RPS6KA6: variants seen among roughly 807,000 people sequenced by gnomAD.
The protein encoded by RPS6KA6 is ribosomal protein S6 kinase alpha-6.
A neutral mutation model predicts 65.4 loss-of-function variants in RPS6KA6; 27 were observed. That is an observed-to-expected ratio of 0.41 (90% CI 0.30 to 0.57). The LOEUF is 0.57. RPS6KA6 is among the 20% of genes least tolerant of loss of function. The pLI is 0.24. For missense variants in RPS6KA6, 486 were observed against 555.6 expected (o/e 0.87, Z 1.26); for synonymous variants, 190 against 184.2 (o/e 1.03, Z -0.26).
intron 12 of RPS6KA6, among the ~76,000 whole-genome samples, chrX:84,114,154 C>T (rs923318053): frequency 3.6e-5 from 4 of 111,076 alleles, no homozygotes; most frequent in Admixed American, 2.9e-4. Flanking sequence ...AATGGAGAAA[C>T]ATCTCATGCT....
At chrX:84,178,955 C>T (rs1347208987) in intron 1 of RPS6KA6, among the ~76,000 whole-genome samples, 1 of 110,545 alleles carries the variant, frequency 9.0e-6, no homozygotes, top group Non-Finnish European at 1.9e-5. Context: ...GATGAAAAAC[C>T]TCGACTCTTT....
chrX:84,151,167 GAT>G (rs1197482830), intron 3 of RPS6KA6, among the ~76,000 whole-genome samples: 8 of 94,711 alleles, frequency 8.4e-5, no homozygotes, highest in South Asian at 4.8e-4. Context: ...AGGATATATA[GAT>G]ATATATATAG....
intron 20 of RPS6KA6, among the ~76,000 whole-genome samples, chrX:84,076,846 A>G (rs1022750556): frequency 2.7e-5 from 3 of 111,538 alleles, no homozygotes; most frequent in Non-Finnish European, 5.7e-5. Flanking sequence ...AAACGTCCTT[A>G]TAAAAACTAT....
chrX:84,144,329 A>G (rs1181930937), intron 6 of RPS6KA6, among the ~76,000 whole-genome samples: 4 of 108,018 alleles, frequency 3.7e-5, no homozygotes, highest in African/African-American at 1.3e-4. Context: ...TCAAAACTCA[A>G]TAAGAAAACA....
chrX:84,105,535 A>C (rs1004250547), intron 16 of RPS6KA6, among the ~76,000 whole-genome samples: 2 of 110,867 alleles, frequency 1.8e-5, no homozygotes, highest in African/African-American at 6.5e-5. Flanking sequence ...TAACTAGTTA[A>C]CCAGCCAGAA....
rs151091718 is a variant in RPS6KA6, at chrX:84,148,862, C to G, written c.259-739G>C. The stretch of plus-strand genomic sequence containing the variant: ...AAGGTTAGGGTGGCTGTGGCAATTT[C>G]CTAAAATAAGACAATGATGAAGTTT... On this transcript the variant is annotated intron_variant, in intron 3 of 21. Transcript: ENST00000262752. Among the ~76,000 whole-genome samples the G allele has an allele frequency of 8.7e-3, 969 of 110,922 alleles. 15 individuals are homozygous for G. Among genetic ancestry groups the G allele is most frequent in the African/African-American group, 0.031 (934 of 30,492 alleles).
intron 3 of RPS6KA6, among the ~76,000 whole-genome samples, chrX:84,155,783 T>C (rs1335757586): frequency 2.7e-5 from 3 of 112,529 alleles, no homozygotes; most frequent in Admixed American, 9.4e-5. Context: ...TACCATTTTT[T>C]ACAAAAATCA....
intron 1 of RPS6KA6, among the ~76,000 whole-genome samples, chrX:84,166,706 T>C (rs2035601598): frequency 9.0e-6 from 1 of 111,147 alleles, no homozygotes; most frequent in East Asian, 2.8e-4. Flanking sequence ...TATGAAATAA[T>C]GAAAACAGGG....
At chrX:84,161,569 A>T (rs1447248260) in intron 2 of RPS6KA6, among the ~76,000 whole-genome samples, 1 of 111,662 alleles carries the variant, frequency 9.0e-6, no homozygotes, top group Non-Finnish European at 1.9e-5. Context: ...AGGAAAAAAA[A>T]ATCCACCATA....
At chrX:84,165,723 C>T (rs1223195150) in intron 1 of RPS6KA6, among the ~76,000 whole-genome samples, 1 of 111,135 alleles carries the variant, frequency 9.0e-6, no homozygotes, top group Non-Finnish European at 1.9e-5. Context: ...TCTCTCTGGC[C>T]AGAGGAAGCA....
chrX:84,151,701 G>A (rs757241005), intron 3 of RPS6KA6, among the ~76,000 whole-genome samples: 3 of 111,286 alleles, frequency 2.7e-5, no homozygotes, highest in African/African-American at 9.8e-5. Flanking sequence ...CTATTTCATC[G>A]CATATTATTC....
intron 8 of RPS6KA6, among the ~76,000 whole-genome samples, chrX:84,125,514 C>T (rs2034765281): frequency 1.8e-5 from 2 of 110,889 alleles, no homozygotes; most frequent in South Asian, 7.6e-4. Flanking sequence ...ATTGGCAAGC[C>T]TCATGGTATT....
At chrX:84,089,953 ATAAAAGCCAG>A (rs954331318) in intron 20 of RPS6KA6, among the ~76,000 whole-genome samples, 4 of 112,435 alleles carry the variant, frequency 3.6e-5, no homozygotes, top group Non-Finnish European at 7.5e-5. Context: ...TTTTAAATGG[ATAAAAGCCAG>A]CAAAACTCTA....
intron 20 of RPS6KA6, among the ~76,000 whole-genome samples, chrX:84,071,236 C>T (rs1354978834): frequency 9.0e-6 from 1 of 111,538 alleles, no homozygotes; most frequent in Non-Finnish European, 1.9e-5. Context: ...ACTAAATTAT[C>T]TAGCAGATTA....
At chrX:84,100,599 G>A (rs2034240202) in intron 18 of RPS6KA6, among the ~76,000 whole-genome samples, 1 of 110,304 alleles carries the variant, frequency 9.1e-6, no homozygotes, top group Non-Finnish European at 1.9e-5. Flanking sequence ...GAATATTTAT[G>A]AGGACCTTTA....
chrX:84,187,905 C>G lies in RPS6KA6; in HGVS notation c.-6G>C. ...TGAGGAGCGAATGGTAGCATCTCCC[C>G]TTCAGGAGCACTCAAACAGGAGCTG... is the stretch of plus-strand genomic sequence containing the variant. On this transcript the variant is annotated 5_prime_UTR_variant, in exon 1 of 22. Coordinates refer to ENST00000262752, the MANE Select transcript of RPS6KA6 (RefSeq NM_014496.5). 8.4e-7 allele frequency: 1 copy of G among 1,188,155 alleles called. No individual in the cohort carries two copies. The highest frequency in any genetic ancestry group is 1.8e-5 in the South Asian group (1 of 54,198).
intron 8 of RPS6KA6, among the ~76,000 whole-genome samples, chrX:84,133,417 T>A (rs1190775485): frequency 8.9e-6 from 1 of 111,880 alleles, no homozygotes; most frequent in East Asian, 2.8e-4. Flanking sequence ...AAATTATAAA[T>A]CACATTTCTT....
rs1329012242 is a variant in RPS6KA6, at chrX:84,132,826, C to T, written c.646+1956G>A. 4.6e-5 allele frequency among the ~76,000 whole-genome samples: 5 copies of T among 108,874 alleles called. No homozygotes were observed. The East Asian group carries it at 1.4e-3, about 31-fold the overall frequency. 94.5% of individuals were successfully genotyped at this position (108,874 alleles called of 115,157 possible). On this transcript the variant is annotated intron_variant, in intron 8 of 21. Coordinates refer to ENST00000262752, the MANE Select transcript of RPS6KA6 (RefSeq NM_014496.5). ...AAGCACAGTTACAACAGGAAACTTT[C>T]TATAGTCCATTGTAATTTCAGAGTA...
At position 84,154,731 on chromosome X, in the gene RPS6KA6, C is replaced by G. The variant is rs187189867; in HGVS notation, c.258+1344G>C. Among the ~76,000 whole-genome samples the G allele has an allele frequency of 6.9e-3, 763 of 111,006 alleles. 1 individual carries two copies. Among genetic ancestry groups the G allele is most frequent in the South Asian group, 0.037 (97 of 2,611 alleles). ...GTTTTTCTCTCCTCAGAACACTGTT[C>G]AAGTCCTATCTCCCTGTCTTATATA... On this transcript the variant is annotated intron_variant, in intron 3 of 21. Coordinates refer to ENST00000262752, the MANE Select transcript of RPS6KA6 (RefSeq NM_014496.5).
Sources: allele counts gnomAD v4.1 joint callset (sites outside exome capture counted in the v4.1 genomes callset), GRCh38; gene constraint gnomAD v4.1.1; transcripts MANE v1.5; gene names NCBI Gene and HGNC (gene_info 2026-07-23, HGNC 2026-07-21).